Variants in NKD1 observed in about 807,000 individuals in gnomAD.
NKD1 encodes the protein protein naked cuticle homolog 1.
A neutral mutation model predicts 56.0 loss-of-function variants in NKD1; 21 were observed. The ratio of observed to expected loss-of-function variants is 0.38; its 90% CI spans 0.27 to 0.54. The LOEUF (loss-of-function observed/expected upper bound fraction) is 0.54, where lower values mean the gene tolerates loss of function less well. Ranked by LOEUF, NKD1 falls within the 20% of genes least tolerant of loss-of-function variation. The pLI is 0.82. For missense variants in NKD1, 578 were observed against 642.7 expected, an observed-to-expected ratio of 0.90 and a Z score of 1.09; for synonymous variants, 263 against 265.7, an observed-to-expected ratio of 0.99 and a Z score of 0.10.
intron 3 of NKD1, chr16:50,555,810 T>C (rs955840625): frequency 6.6e-6 from 1 of 152,230 alleles, no homozygotes; most frequent in African/African-American, 2.4e-5. Flanking sequence ...TTTTGGACTT[T>C]TCACATCACT....
chr16:50,630,559 T>TG (rs1204788594), intron 7 of NKD1, among the ~76,000 whole-genome samples: 5 of 147,036 alleles, frequency 3.4e-5, no homozygotes, highest in African/African-American at 1.3e-4. Context: ...GCAGCTGGAG[T>TG]GAAGGCTGGT....
chr16:50,604,800 G>T (rs1347904733), intron 3 of NKD1, among the ~76,000 whole-genome samples: 1 of 152,236 alleles, frequency 6.6e-6, no homozygotes, highest in Non-Finnish European at 1.5e-5. Flanking sequence ...TGGTGCCAAG[G>T]GCCTGGCCCT....
At chr16:50,614,067 G>A (rs1240130792) in intron 4 of NKD1, among the ~76,000 whole-genome samples, 2 of 152,180 alleles carry the variant, frequency 1.3e-5, no homozygotes, top group African/African-American at 4.8e-5. Flanking sequence ...TGGAGAAGAA[G>A]TCCCTGGTGG....
chr16:50,632,197 A>G lies in NKD1; in HGVS notation c.696-84A>G, dbSNP rs1962360785. 13 of 1,381,256 alleles carry G rather than the reference A, an allele frequency of 9.4e-6. No individual in the cohort carries two copies. The highest frequency in any genetic ancestry group is 1.3e-5 in the Non-Finnish European group (13 of 982,814). The allele number at this position is 1,381,256 out of a possible 1,614,324, so 85.6% of individuals were successfully genotyped here. Reference sequence around the variant, plus strand: ...GAAATGAATGAAGGGTCCAGAGTTCATTCTGGGGGCTTCCTAGTAGCCTAT... The same window carrying G: ...GAAATGAATGAAGGGTCCAGAGTTCGTTCTGGGGGCTTCCTAGTAGCCTAT... On this transcript the variant is annotated intron_variant, in intron 8 of 9. Coordinates refer to ENST00000268459, the MANE Select transcript of NKD1 (RefSeq NM_033119.5). This position sits in a 1 kb window ranked among gnomAD's most constrained non-coding sequence, Gnocchi z 4.1.
intron 4 of NKD1, among the ~76,000 whole-genome samples, chr16:50,611,427 A>ACCAGGC (rs1286833321): frequency 1.3e-5 from 2 of 152,148 alleles, no homozygotes; most frequent in Non-Finnish European, 2.9e-5. Flanking sequence ...CCTCCTCGGG[A>ACCAGGC]CCAGGCCCAG....
chr16:50,628,040 G>T (rs530838671), intron 6 of NKD1, among the ~76,000 whole-genome samples: 1 of 152,260 alleles, frequency 6.6e-6, no homozygotes, highest in South Asian at 2.1e-4. Flanking sequence ...GGGCCTCGTC[G>T]AAAGAAGTGG....
intron 3 of NKD1, chr16:50,554,065 C>T (rs4785434): frequency 0.06 from 9,203 of 152,318 alleles, 650 homozygotes; most frequent in South Asian, 0.28. Flanking sequence ...GTAGAGGCTT[C>T]GAGGAGTGTC....
chr16:50,633,718 G>A lies in NKD1; in HGVS notation c.1350G>A (p.Gln450=), dbSNP rs914213404. 2.5e-5 allele frequency: 39 copies of A among 1,580,666 alleles called. No homozygotes were observed. Among genetic ancestry groups the A allele is most frequent in the Non-Finnish European group, 3.2e-5 (37 of 1,163,224 alleles). ...AGAGCCAGGCCGGGCAGCCGGTCCA[G>A]AGACATGAGCACCACCACCACCATG... is the stretch of plus-strand genomic sequence containing the variant. ...VYESQAGQPV[Q]RHEHHHHHEH... Residue 450 remains glutamine, a synonymous_variant, in exon 10 of 10, where the codon CAG becomes CAA. Coordinates refer to ENST00000268459, the MANE Select transcript of NKD1 (RefSeq NM_033119.5). This position sits in a 1 kb window ranked among gnomAD's most constrained non-coding sequence, Gnocchi z 4.9.
At chr16:50,613,117 C>T (rs933568) in intron 4 of NKD1, among the ~76,000 whole-genome samples, 1,810 of 152,074 alleles carry the variant, frequency 0.012, 42 homozygotes, top group African/African-American at 0.041. Flanking sequence ...AAGGATTTGG[C>T]GGTGTCACTT....
At chr16:50,578,425 G>A (rs1961035178) in intron 3 of NKD1, among the ~76,000 whole-genome samples, 1 of 152,188 alleles carries the variant, frequency 6.6e-6, no homozygotes, top group Non-Finnish European at 1.5e-5. Context: ...CATAGTACCA[G>A]CTTGAGTCGT....
chr16:50,583,589 A>G (rs1333405701), intron 3 of NKD1, among the ~76,000 whole-genome samples: 1 of 152,214 alleles, frequency 6.6e-6, no homozygotes, highest in Admixed American at 6.5e-5. Context: ...AAAGATAGTA[A>G]AATGATGGTT....
At chr16:50,559,831 G>C (rs1210327444) in intron 3 of NKD1, among the ~76,000 whole-genome samples, 1 of 152,200 alleles carries the variant, frequency 6.6e-6, no homozygotes. Context: ...GTCCTGAGGA[G>C]GGGAGAGGCA....
Position 50,633,388 on chromosome 16 carries a change from C to T in NKD1, c.1020C>T (p.Asp340=), listed in dbSNP as rs34100051. Reference sequence around the variant, plus strand: ...AGCAACGGCTCCGGGGCACCCAGGACGGGAGCAAGCACTTTGTGAGGTCCC... The same window carrying T: ...AGCAACGGCTCCGGGGCACCCAGGATGGGAGCAAGCACTTTGTGAGGTCCC... The part of the protein sequence containing the change: ...ELQQRLRGTQ[D]GSKHFVRSPK... The change falls in exon 10 of 10, where the codon GAC becomes GAT. Residue 340 remains aspartate, a synonymous_variant. Coordinates refer to ENST00000268459, the MANE Select transcript of NKD1 (RefSeq NM_033119.5). This position sits in a 1 kb window ranked among gnomAD's most constrained non-coding sequence, Gnocchi z 4.9. 41,733 of 1,613,932 alleles carry T rather than the reference C, an allele frequency of 0.026. 642 individuals carry two copies. The highest frequency in any genetic ancestry group is 0.045 in the Middle Eastern group (271 of 6,056).
At position 50,630,753 on chromosome 16, in the gene NKD1, GC is replaced by G; in HGVS notation, c.611-71del. On this transcript the variant is annotated intron_variant, in intron 7 of 9. Transcript: ENST00000268459. ...CAGTGGCCTTGCAAAGCAGCTGCAC[GC>G]CAGGCAGCCCTGGGGAGGGTGGGAG... 3 of 1,352,266 alleles carry G rather than the reference GC, an allele frequency of 2.2e-6. No homozygotes were observed. In the South Asian group the frequency reaches 4.1e-5, roughly 19 times the overall value. The allele number at this position is 1,352,266 out of a possible 1,614,324, so 83.8% of individuals were successfully genotyped here.
In NKD1 at chr16:50,644,771, G is replaced by C. The variant is rs191609121; in HGVS notation, c.*10990G>C. On this transcript the variant is annotated 3_prime_UTR_variant, in exon 10 of 10. Transcript: ENST00000268459. ...AAAGGCAGCATCTGATTGTGATTTGGTCCAGAAATTCCTGGCCAGAATATT... is the reference window on the plus strand; with the variant it reads ...AAAGGCAGCATCTGATTGTGATTTGCTCCAGAAATTCCTGGCCAGAATATT... 32 of 152,232 alleles carry C rather than the reference G, an allele frequency of 2.1e-4. No individual in the cohort carries two copies. The highest frequency in any genetic ancestry group is 4.0e-4 in the Non-Finnish European group (27 of 68,050). The allele number at this position is 152,232 out of a possible 1,614,324, so 9.4% of individuals were successfully genotyped here.
chr16:50,574,736 A>G, intron 3 of NKD1: 2 of 985,372 alleles, frequency 2.0e-6, no homozygotes, highest in South Asian at 9.4e-5. Flanking sequence ...TTTCTTTGGC[A>G]CTTGGTGAGC....
At chr16:50,614,109 A>T (rs1429843449) in intron 4 of NKD1, among the ~76,000 whole-genome samples, 1 of 152,174 alleles carries the variant, frequency 6.6e-6, no homozygotes, top group Non-Finnish European at 1.5e-5. Flanking sequence ...GCAGACACCC[A>T]CAGGTGAAAA....
intron 3 of NKD1, chr16:50,607,060 G>A (rs746195107): frequency 1.3e-5 from 6 of 457,058 alleles, no homozygotes; most frequent in Non-Finnish European, 2.6e-5. Flanking sequence ...ATCCTGACTC[G>A]AGGAATAAAG....
intron 4 of NKD1, among the ~76,000 whole-genome samples, chr16:50,610,034 CTT>C (rs1200871640): frequency 6.6e-6 from 1 of 152,108 alleles, no homozygotes; most frequent in Non-Finnish European, 1.5e-5. Context: ...CATGGTTAAA[CTT>C]TTATAAGAAC....
Sources: allele counts gnomAD v4.1 joint callset (sites outside exome capture counted in the v4.1 genomes callset), GRCh38; gene constraint gnomAD v4.1.1; non-coding constraint Gnocchi (gnomAD v3.1); transcripts MANE v1.5; gene names NCBI Gene and HGNC (gene_info 2026-07-23, HGNC 2026-07-21).